The following GPR19 variants were observed in gnomAD, a reference collection of about 807,000 sequenced individuals.
GPR19 encodes the protein G protein-coupled receptor 19.
In GPR19, 14 loss-of-function variants were observed where a neutral mutation model predicts 28.5. That is an observed-to-expected ratio of 0.49 (90% CI 0.32 to 0.77). The LOEUF is 0.77. Ranked by LOEUF, GPR19 falls within the 30% of genes least tolerant of loss-of-function variation. The pLI, the probability that GPR19 is intolerant of heterozygous loss-of-function variation, is 0.03. For missense variants in GPR19, 409 were observed against 504.1 expected (o/e 0.81, Z 1.81); for synonymous variants, 173 against 184.1 (o/e 0.94, Z 0.49).
chr12:12,691,445 C>T (rs985313429), intron 2 of GPR19, among the ~76,000 whole-genome samples: 1 of 152,190 alleles, frequency 6.6e-6, no homozygotes, highest in African/African-American at 2.4e-5. Context: ...TTGACAGTTT[C>T]TCTGCCTTGT....
At chr12:12,694,060 G>A (rs970394695) in intron 2 of GPR19, among the ~76,000 whole-genome samples, 3 of 152,076 alleles carry the variant, frequency 2.0e-5, no homozygotes, top group Non-Finnish European at 4.4e-5. Flanking sequence ...AGGGTTTTAA[G>A]AAAGTACTGA....
chr12:12,680,697 T>A (rs1946005933), intron 3 of GPR19, among the ~76,000 whole-genome samples: 1 of 151,238 alleles, frequency 6.6e-6, no homozygotes, highest in African/African-American at 2.4e-5. Context: ...CCTATGACTT[T>A]TTTTTTTTTG....
chr12:12,668,925 C>G (rs1945819355), intron 3 of GPR19: 1 of 152,168 alleles, frequency 6.6e-6, no homozygotes, highest in African/African-American at 2.4e-5. Flanking sequence ...AAGTTCTTCC[C>G]CAAAGTCATA....
chr12:12,661,369 G>T lies in GPR19; in HGVS notation c.1080C>A (p.Ile360=), dbSNP rs1592249110. 1 of 1,613,942 alleles carries T rather than the reference G, an allele frequency of 6.2e-7. No homozygotes were observed. The highest frequency in any genetic ancestry group is 2.2e-5 in the East Asian group (1 of 44,882). The change falls in exon 4 of 4, where the codon ATC becomes ATA. Residue 360 remains isoleucine (I), a synonymous_variant. Transcript: ENST00000651487. The surrounding 1 kb of genome is among the most constrained non-coding windows in gnomAD (Gnocchi z 4.2). ...TTTTGGCCATCCTTGAACTTGTTGTGATAGTATAGGCATTGCTTCGGTAAC... is the reference window on the plus strand; with the variant it reads ...TTTTGGCCATCCTTGAACTTGTTGTTATAGTATAGGCATTGCTTCGGTAAC... The part of the protein sequence containing the change: ...MKCYRSNAYT[I]TTSSRMAKKN...
chr12:12,686,965 A>G (rs1227468245), intron 2 of GPR19, among the ~76,000 whole-genome samples: 2 of 152,262 alleles, frequency 1.3e-5, no homozygotes, highest in Non-Finnish European at 2.9e-5. Flanking sequence ...AAAACATGTT[A>G]CATAATATAC....
At chr12:12,693,826 C>T (rs909204115) in intron 2 of GPR19, among the ~76,000 whole-genome samples, 10 of 151,810 alleles carry the variant, frequency 6.6e-5, no homozygotes, top group South Asian at 2.1e-4. Context: ...CCTCAGCCTC[C>T]GGAGTAGTTG....
the GPR19 span, among the ~76,000 whole-genome samples, chr12:12,705,318 A>T: frequency 6.6e-6 from 1 of 152,210 alleles, no homozygotes; most frequent in Middle Eastern, 3.4e-3. Context: ...ACTCCATCTC[A>T]GAAAAAAAAA....
At chr12:12,689,299 G>A (rs1946147502) in intron 2 of GPR19, among the ~76,000 whole-genome samples, 1 of 152,156 alleles carries the variant, frequency 6.6e-6, no homozygotes, top group South Asian at 2.1e-4. Context: ...ATTTGGCAGG[G>A]ACATATATTC....
chr12:12,702,998 C>T, the GPR19 span, among the ~76,000 whole-genome samples: 1 of 152,112 alleles, frequency 6.6e-6, no homozygotes, highest in East Asian at 1.9e-4. Flanking sequence ...CTTAAATTTT[C>T]TATAATTTAT....
At chr12:12,716,941 G>C in the GPR19 span, 1 of 985,104 alleles carries the variant, frequency 1.0e-6, no homozygotes, top group African/African-American at 1.7e-5. Flanking sequence ...TCGCCACCCC[G>C]GCTCCTAGCG....
At position 12,661,301 on chromosome 12, in the gene GPR19, G is replaced by C; in HGVS notation, c.1148C>G (p.Thr383Ser). ...GISEIPSMAK[T>S]ITKDSIYDSF... ...GTCATAGATCGAGTCTTTGGTAATA[G>C]TTTTGGCCATGGAAGGGATTTCTGA... is the stretch of plus-strand genomic sequence containing the variant. The change falls in exon 4 of 4, where the codon ACT (threonine) becomes AGT (serine). Residue 383 changes from threonine (T) to serine (S), a missense_variant. Thr to Ser is a moderately conservative substitution (Grantham distance 58, BLOSUM62 1). Transcript: ENST00000651487. The surrounding 1 kb of genome is among the most constrained non-coding windows in gnomAD (Gnocchi z 4.2). 6.2e-7 allele frequency: 1 copy of C among 1,613,864 alleles called. No homozygotes were observed. The highest frequency in any genetic ancestry group is 8.5e-7 in the Non-Finnish European group (1 of 1,179,768).
the GPR19 span, among the ~76,000 whole-genome samples, chr12:12,712,574 C>T: frequency 2.5e-3 from 382 of 152,350 alleles, 2 homozygotes; most frequent in African/African-American, 8.5e-3. Flanking sequence ...TCTTATTCTT[C>T]AAGATCTGAC....
At chr12:12,709,602 G>T in the GPR19 span, among the ~76,000 whole-genome samples, 3 of 152,054 alleles carry the variant, frequency 2.0e-5, no homozygotes, top group Non-Finnish European at 4.4e-5. Flanking sequence ...ACCACACCTG[G>T]TTAACTTTTT....
rs142776768 is a variant in GPR19 at position 12,675,806 on chromosome 12, G to C, written c.-23+8545C>G. On this transcript the variant is annotated intron_variant, in intron 3 of 3. Transcript: ENST00000651487. ...CGGATTCTGCCAACAACCTGACTGA[G>C]CCTGGAAGGGCAGTCAACCTCAGAG... Among the ~76,000 whole-genome samples, 258 of 152,220 alleles carry C rather than the reference G, an allele frequency of 1.7e-3. 4 individuals are homozygous for C. The highest frequency in any genetic ancestry group is 0.014 in the East Asian group (70 of 5,174).
intron 3 of GPR19, among the ~76,000 whole-genome samples, chr12:12,681,776 T>C (rs980613714): frequency 2.0e-5 from 3 of 152,252 alleles, no homozygotes; most frequent in African/African-American, 7.2e-5. Context: ...TCATAGATTA[T>C]GTTTGTGTAT....
intron 2 of GPR19, among the ~76,000 whole-genome samples, chr12:12,694,188 CTTTTTTTT>C (rs147543699): frequency 3.5e-3 from 153 of 43,852 alleles, no homozygotes; most frequent in Non-Finnish European, 4.9e-3. Flanking sequence ...GAGTACCTGT[CTTTTTTTT>C]TTTTTTTTTT....
the GPR19 span, chr12:12,717,207 GGCGCTCGGGGAGGCGGC>G: frequency 5.7e-5 from 60 of 1,048,698 alleles, no homozygotes; most frequent in Non-Finnish European, 6.3e-5. Flanking sequence ...ATCTCCCGGC[GGCGCTCGGGGAGGCGGC>G]GCGCTCGGGA....
intron 3 of GPR19, chr12:12,668,937 C>T (rs1945819527): frequency 1.3e-5 from 2 of 152,298 alleles, no homozygotes; most frequent in African/African-American, 2.4e-5. Context: ...AAAGTCATAC[C>T]GTTGGAAAGT....
intron 3 of GPR19, 77 bp downstream of exon 3, chr12:12,684,274 T>C (rs1464332568): frequency 6.6e-6 from 1 of 152,092 alleles, no homozygotes; most frequent in Middle Eastern, 3.2e-3. Flanking sequence ...AATCTCCAAA[T>C]TGCCTGGAAA....
Sources: allele counts gnomAD v4.1 joint callset (sites outside exome capture counted in the v4.1 genomes callset), GRCh38; gene constraint gnomAD v4.1.1; non-coding constraint Gnocchi (gnomAD v3.1); transcripts MANE v1.5; gene names NCBI Gene and HGNC (gene_info 2026-07-23, HGNC 2026-07-21).